Variants in CCDC74A observed in about 807,000 individuals in gnomAD.
CCDC74A encodes coiled-coil domain-containing protein 74A.
A neutral mutation model predicts 37.6 loss-of-function variants in CCDC74A; 38 were observed. That is an observed-to-expected ratio of 1.01 (90% CI 0.78 to 1.33). The LOEUF is 1.33. Ranked by LOEUF, CCDC74A falls within the 40% of genes most tolerant of loss-of-function variation. CCDC74A has a pLI of 0.00. For missense variants in CCDC74A, 340 were observed against 403.4 expected, an observed-to-expected ratio of 0.84 and a Z score of 1.35; for synonymous variants, 134 against 165.2, an observed-to-expected ratio of 0.81 and a Z score of 1.45.
chr2:131,529,956 C>T, intron 2 of CCDC74A: 5 of 1,507,328 alleles, frequency 3.3e-6, no homozygotes, highest in Non-Finnish European at 4.4e-6. Flanking sequence ...CCCCAGACCT[C>T]CCTCCTCCAA....
At position 131,533,345 on chromosome 2, in the gene CCDC74A, C is replaced by T. The variant is rs529189326; in HGVS notation, c.886C>T (p.Gln296Ter). 6.2e-7 allele frequency: 1 copy of T among 1,613,624 alleles called. No individual in the cohort carries two copies. The highest frequency in any genetic ancestry group is 8.5e-7 in the Non-Finnish European group (1 of 1,179,980). ...CCCGAAGAACAACTTTGCCGAGAGG[C>T]AGAAGAGGCTGCAGGCAATGCAGAA... ...QTPKNNFAERQKRLQAMQKRR... is the reference protein window; with the variant it reads ...QTPKNNFAER The change falls in exon 8 of 8, where the codon CAG becomes TAG. Residue 296 changes from glutamine (Q) to a stop codon, truncating the protein, a stop_gained. Transcript: ENST00000409856. LOFTEE classifies it high-confidence loss of function.
chr2:131,531,344 G>A lies in CCDC74A; in HGVS notation c.347-320G>A, dbSNP rs181520839. Among the ~76,000 whole-genome samples the A allele has an allele frequency of 6.5e-4, 99 of 152,188 alleles. 1 individual carries two copies. The highest frequency in any genetic ancestry group is 2.3e-3 in the African/African-American group (97 of 41,536). On this transcript the variant is annotated intron_variant, in intron 3 of 7. Coordinates refer to ENST00000409856, the MANE Select transcript of CCDC74A (RefSeq NM_001258306.3). ...TGTGATGGGCCCAGGTGCTAGACGG[G>A]CCTTGTCCTTGCCGAGGAAACCCAT...
intron 2 of CCDC74A, chr2:131,530,227 C>T: frequency 6.5e-7 from 1 of 1,547,282 alleles, no homozygotes; most frequent in Non-Finnish European, 8.7e-7. Context: ...TGACAGCGGC[C>T]CCCACCCAGC....
Position 131,533,020 on chromosome 2 carries a change from G to A in CCDC74A, c.760G>A (p.Glu254Lys). Residue 254 changes from glutamate (E) to lysine (K), a missense_variant, in exon 7 of 8, where the codon GAA becomes AAA. Physicochemically the swap from Glu to Lys is moderately conservative, Grantham distance 56. This residue lies in a region of CCDC74A where 185 missense variants were observed against 231.5 expected (regional missense o/e 0.80). Coordinates refer to ENST00000409856, the MANE Select transcript of CCDC74A (RefSeq NM_001258306.3). ...PEEASFPRDQ[E>K]ATHFPKVSTK... ...GACTCTTCCTTCACCCAGGGACCAA[G>A]AAGCCACGCATTTCCCCAAGGTCTC... The A allele has an allele frequency of 6.2e-7, 1 of 1,613,974 alleles. No individual in the cohort carries two copies. The highest frequency in any genetic ancestry group is 8.5e-7 in the Non-Finnish European group (1 of 1,179,870).
upstream of CCDC74A, among the ~76,000 whole-genome samples, chr2:131,526,892 C>A (rs1427668975): frequency 1.3e-5 from 2 of 152,044 alleles, no homozygotes; most frequent in East Asian, 3.9e-4. Context: ...TCACTTGTAT[C>A]CCCTGTTATT....
In CCDC74A at chr2:131,528,174, G is replaced by A; in HGVS notation, c.204G>A (p.Leu68=). ...QFLQQQHSEM[L]AKLHEEIEHL... ...TGCAGCAGCAGCACTCGGAGATGCT[G>A]GCCAAGCTCCATGAGGAGATCGAGC... Residue 68 remains leucine, a synonymous_variant, in exon 1 of 8, where the codon CTG becomes CTA. Transcript: ENST00000409856. 3 of 1,613,856 alleles carry A rather than the reference G, an allele frequency of 1.9e-6. No homozygotes were observed. Among genetic ancestry groups the A allele is most frequent in the Non-Finnish European group, 2.5e-6 (3 of 1,179,834 alleles).
chr2:131,524,767 A>G (rs1462910777), upstream of CCDC74A, among the ~76,000 whole-genome samples: 1 of 151,930 alleles, frequency 6.6e-6, no homozygotes, highest in Non-Finnish European at 1.5e-5. Context: ...AGGACATTCA[A>G]AAGCAACCAC....
chr2:131,527,377 C>T (rs941891073), upstream of CCDC74A, among the ~76,000 whole-genome samples: 3 of 152,162 alleles, frequency 2.0e-5, no homozygotes, highest in Admixed American at 2.0e-4. Flanking sequence ...GCAATCCTCC[C>T]GCCTTAGCCT....
intron 2 of CCDC74A, chr2:131,530,305 GGAC>G: frequency 6.5e-7 from 1 of 1,543,154 alleles, no homozygotes; most frequent in Non-Finnish European, 8.7e-7. Context: ...GACATCAGGA[GGAC>G]ATCTGACTGG....
intron 4 of CCDC74A, 84 bp from the exon 5 acceptor site, chr2:131,532,505 G>C (rs1410268656): frequency 1.4e-6 from 2 of 1,460,374 alleles, no homozygotes; most frequent in Admixed American, 4.6e-5. Flanking sequence ...ACATTGGCCT[G>C]GGCGCTGCCT....
At chr2:131,526,512 C>T, upstream of CCDC74A, among the ~76,000 whole-genome samples, 1 of 152,200 alleles carries the variant, frequency 6.6e-6, no homozygotes, top group Non-Finnish European at 1.5e-5. Flanking sequence ...AGTCTGTAAT[C>T]TCATGTTGTC....
chr2:131,530,102 T>C, intron 2 of CCDC74A: 1 of 1,550,278 alleles, frequency 6.5e-7, no homozygotes, highest in Non-Finnish European at 8.7e-7. Context: ...GCCCAGGGGC[T>C]CTGGACACAC....
upstream of CCDC74A, among the ~76,000 whole-genome samples, chr2:131,527,140 C>T (rs2104774503): frequency 1.3e-5 from 2 of 151,478 alleles, no homozygotes; most frequent in South Asian, 4.2e-4. Context: ...GACACAGTCT[C>T]ACCCTGTCAC....
At chr2:131,532,835 C>T in intron 5 of CCDC74A, 29 bp from the exon 6 acceptor site, 2 of 1,613,172 alleles carry the variant, frequency 1.2e-6, no homozygotes, top group Middle Eastern at 1.7e-4. Context: ...CGCCACAGGC[C>T]CCACCATGCC....
chr2:131,524,404 G>A (rs1307716051), upstream of CCDC74A, among the ~76,000 whole-genome samples: 2 of 152,204 alleles, frequency 1.3e-5, no homozygotes, highest in Non-Finnish European at 2.9e-5. Context: ...TGGCAGGTCT[G>A]TAAGGGTGTT....
chr2:131,533,108 C>T (rs375128424), intron 7 of CCDC74A, 39 bp downstream of exon 7: 4 of 1,612,512 alleles, frequency 2.5e-6, no homozygotes, highest in African/African-American at 1.3e-5. Flanking sequence ...GGCAGCCCTG[C>T]AGCCTGGGCC....
chr2:131,531,223 C>T (rs1440382926), intron 3 of CCDC74A, among the ~76,000 whole-genome samples: 1 of 152,160 alleles, frequency 6.6e-6, no homozygotes, highest in African/African-American at 2.4e-5. Context: ...GGGCTCATGG[C>T]ACCTTCTGCA....
intron 2 of CCDC74A, 87 bp downstream of exon 2, chr2:131,529,778 C>A: frequency 6.4e-7 from 1 of 1,572,792 alleles, no homozygotes; most frequent in Non-Finnish European, 8.6e-7. Flanking sequence ...CCTGGCTGCA[C>A]TGGCCCCTGT....
In CCDC74A at chr2:131,527,900, C is replaced by A. The variant is rs1573515188; in HGVS notation, c.-71C>A. On this transcript the variant is annotated 5_prime_UTR_variant, in exon 1 of 8. Transcript: ENST00000409856. ...TCGCCCGGTTTCCATGGTGACGGGG[C>A]GCCAGGCTAGGGCGGCCTGGCCACT... 4 of 1,403,840 alleles carry A rather than the reference C, an allele frequency of 2.8e-6. No homozygotes were observed. The East Asian group carries it at 8.5e-5, about 30-fold the overall frequency. The allele number at this position is 1,403,840 out of a possible 1,614,324, so 87.0% of individuals were successfully genotyped here.
Sources: gnomAD v4.1 joint callset for allele counts (sites outside exome capture counted in the v4.1 genomes callset) on GRCh38, gnomAD v4.1.1 for gene constraint, gnomAD v4.1.1 regional missense constraint, MANE v1.5 for transcripts, NCBI Gene and HGNC (gene_info 2026-07-23, HGNC 2026-07-21) for gene names.